TP63: variants seen among roughly 807,000 people sequenced by gnomAD.
The protein encoded by TP63 is tumor protein 63.
In TP63, 17 loss-of-function variants were observed where a neutral mutation model predicts 82.8. The observed-to-expected ratio is 0.21, with a 90% CI of 0.14 to 0.31. The LOEUF is 0.31. TP63 is among the 10% of genes least tolerant of loss of function. The probability of loss-of-function intolerance (pLI) is 1.00; values close to 1 mark genes in which losing one functional copy is unlikely to be tolerated. For synonymous variants in TP63, 330 were observed against 321.7 expected (o/e 1.03, Z -0.28); for missense variants, 648 against 895.3 (o/e 0.72, Z 3.52).
At chr3:189,655,628 A>C (rs1713281809) in intron 1 of TP63, among the ~76,000 whole-genome samples, 1 of 152,210 alleles carries the variant, frequency 6.6e-6, no homozygotes, top group Non-Finnish European at 1.5e-5. Context: ...TCTCAAAAAA[A>C]AAGAAAAAAT....
At chr3:189,876,072 T>G (rs1269760141) in intron 10 of TP63, among the ~76,000 whole-genome samples, 1 of 152,176 alleles carries the variant, frequency 6.6e-6, no homozygotes, top group East Asian at 1.9e-4. Context: ...GGTGAATTTC[T>G]AACCTTAACA....
chr3:189,833,577 T>C (rs540586904), intron 4 of TP63, among the ~76,000 whole-genome samples: 36 of 152,242 alleles, frequency 2.4e-4, no homozygotes, highest in African/African-American at 8.2e-4. Context: ...GTTGACAAAA[T>C]AGATCCAATA....
intron 1 of TP63, among the ~76,000 whole-genome samples, chr3:189,679,246 C>T (rs2108688065): frequency 6.6e-6 from 1 of 152,170 alleles, no homozygotes; most frequent in South Asian, 2.1e-4. Context: ...AATTTACATT[C>T]CCACCAACAA....
At chr3:189,723,502 C>T (rs113281629) in intron 1 of TP63, among the ~76,000 whole-genome samples, 45 of 152,316 alleles carry the variant, frequency 3.0e-4, no homozygotes, top group African/African-American at 1.1e-3. Flanking sequence ...TTGATGTTAG[C>T]ATTGTTACTT....
chr3:189,829,880 C>A, intron 4 of TP63: 1 of 382,850 alleles, frequency 2.6e-6, no homozygotes. Flanking sequence ...TAATTTTTTT[C>A]AACCAAGATA....
chr3:189,852,334 T>C (rs939163439), intron 4 of TP63, among the ~76,000 whole-genome samples: 7 of 152,248 alleles, frequency 4.6e-5, no homozygotes, highest in Non-Finnish European at 7.3e-5. Context: ...GACAATTCCA[T>C]TGGCTAAGCC....
intron 3 of TP63, among the ~76,000 whole-genome samples, chr3:189,782,438 C>A (rs1724299356): frequency 1.3e-5 from 2 of 151,966 alleles, no homozygotes; most frequent in Middle Eastern, 3.2e-3. Context: ...AGTAGGGGGG[C>A]CAGGGACTGG....
the TP63 span, among the ~76,000 whole-genome samples, chr3:189,615,789 A>T: frequency 3.9e-5 from 6 of 152,182 alleles, no homozygotes; most frequent in African/African-American, 1.4e-4. Context: ...CCTAAGTCAC[A>T]ACTCCACACT....
At chr3:189,665,770 AAGTC>A (rs1714332525) in intron 1 of TP63, among the ~76,000 whole-genome samples, 1 of 152,088 alleles carries the variant, frequency 6.6e-6, no homozygotes, top group South Asian at 2.1e-4. Flanking sequence ...TTATAGATAA[AAGTC>A]AGCTAATTCC....
At chr3:189,769,025 A>G (rs968279991) in intron 3 of TP63, among the ~76,000 whole-genome samples, 1 of 152,142 alleles carries the variant, frequency 6.6e-6, no homozygotes, top group African/African-American at 2.4e-5. Context: ...AAGTTATTTC[A>G]TCTCCCTGTT....
the TP63 span, among the ~76,000 whole-genome samples, chr3:189,624,145 A>G: frequency 6.6e-6 from 1 of 152,176 alleles, no homozygotes; most frequent in Non-Finnish European, 1.5e-5. Flanking sequence ...TTAGAAATCC[A>G]TAGTTATGGT....
chr3:189,839,067 AAAAG>A (rs1713598258), intron 4 of TP63, among the ~76,000 whole-genome samples: 1 of 151,472 alleles, frequency 6.6e-6, no homozygotes, highest in African/African-American at 2.4e-5. Context: ...AAAAAAAAGA[AAAAG>A]AAAAAGTAGA....
chr3:189,852,035 C>T (rs1715700320), intron 4 of TP63, among the ~76,000 whole-genome samples: 1 of 152,142 alleles, frequency 6.6e-6, no homozygotes. Flanking sequence ...ATAATAGTAA[C>T]TCATTCCTCT....
intron 3 of TP63, among the ~76,000 whole-genome samples, chr3:189,756,838 GTGC>G (rs1413310287): frequency 6.6e-6 from 1 of 152,148 alleles, no homozygotes; most frequent in Non-Finnish European, 1.5e-5. Context: ...TTAAGACACT[GTGC>G]TCAGACTGTA....
chr3:189,823,803 T>C (rs1207237546), intron 4 of TP63, among the ~76,000 whole-genome samples: 1 of 152,080 alleles, frequency 6.6e-6, no homozygotes, highest in East Asian at 1.9e-4. Context: ...GTGAAAGTGA[T>C]TTGTAAACTA....
intron 3 of TP63, among the ~76,000 whole-genome samples, chr3:189,756,365 C>T (rs567318441): frequency 5.3e-5 from 8 of 152,266 alleles, no homozygotes; most frequent in East Asian, 1.9e-4. Context: ...GACTGAATTC[C>T]GGTGTCCCCA....
rs1383931117 is a variant in TP63, at chr3:189,689,098, C to CTTTTTTT, written c.63-48637_63-48636insTTTTTTT. On this transcript the variant is annotated intron_variant, in intron 1 of 13. Coordinates refer to ENST00000264731, the MANE Select transcript of TP63 (RefSeq NM_003722.5). ...CAGAGTGGCCAGCATTCAAATCTAC[C>CTTTTTTT]TTTTTCTTTTTTTTTTTTTTTTTTT... 9.0e-3 allele frequency among the ~76,000 whole-genome samples: 770 copies of CTTTTTTT among 85,142 alleles called. 275 individuals carry two copies. The highest frequency in any genetic ancestry group is 0.013 in the Middle Eastern group (1 of 80). 55.9% of individuals were successfully genotyped at this position (85,142 alleles called of 152,430 possible). A position where few individuals can be genotyped will look rare whatever the true frequency, so the allele number is the denominator to read the frequency against.
the TP63 span, among the ~76,000 whole-genome samples, chr3:189,608,141 CAG>C: frequency 6.6e-6 from 1 of 151,938 alleles, no homozygotes; most frequent in Admixed American, 6.6e-5. Flanking sequence ...CTAATTAAAA[CAG>C]ATAAAAAAAG....
chr3:189,855,391 G>A (rs977042934), intron 4 of TP63, among the ~76,000 whole-genome samples: 2 of 152,062 alleles, frequency 1.3e-5, no homozygotes, highest in African/African-American at 4.8e-5. Context: ...GATTGACCTT[G>A]GACTTTTCTA....
Sources: allele counts gnomAD v4.1 joint callset (sites outside exome capture counted in the v4.1 genomes callset), GRCh38; gene constraint gnomAD v4.1.1; transcripts MANE v1.5; gene names NCBI Gene and HGNC (gene_info 2026-07-23, HGNC 2026-07-21).